The following TESC variants were observed in gnomAD, a reference collection of about 807,000 sequenced individuals.
TESC encodes tescalcin.
Under a neutral mutation model 31.0 loss-of-function variants are expected in TESC, and 19 were observed. That is an observed-to-expected ratio of 0.61 (90% CI 0.43 to 0.90). The LOEUF is 0.90. TESC is among the 40% of genes least tolerant of loss of function. The pLI is 0.00. For missense variants in TESC, 248 were observed against 303.8 expected (o/e 0.82, Z 1.36); for synonymous variants, 109 against 114.8 (o/e 0.95, Z 0.32).
At chr12:117,041,160 G>A (rs79099515) in intron 7 of TESC, among the ~76,000 whole-genome samples, 5,108 of 152,284 alleles carry the variant, frequency 0.034, 191 homozygotes, top group African/African-American at 0.088. Context: ...GCAGAGGCTG[G>A]AGGAGCCATC....
chr12:117,049,775 C>T (rs1206044921), intron 3 of TESC, among the ~76,000 whole-genome samples: 1 of 151,924 alleles, frequency 6.6e-6, no homozygotes, highest in Non-Finnish European at 1.5e-5. Context: ...GTGGTGTGCA[C>T]CTGTAGTCCC....
intron 1 of TESC, among the ~76,000 whole-genome samples, chr12:117,075,952 T>C (rs1372648410): frequency 1.7e-5 from 2 of 120,800 alleles, no homozygotes; most frequent in Admixed American, 1.7e-4. Context: ...TATATATACA[T>C]ATATATATAT....
chr12:117,069,838 T>C (rs1954940144), intron 2 of TESC, among the ~76,000 whole-genome samples: 1 of 152,234 alleles, frequency 6.6e-6, no homozygotes, highest in Non-Finnish European at 1.5e-5. Context: ...ACAAATCTTA[T>C]TCATCTGTAT....
chr12:117,045,277 G>A (rs1359334557), intron 6 of TESC, among the ~76,000 whole-genome samples: 3 of 152,202 alleles, frequency 2.0e-5, no homozygotes, highest in African/African-American at 4.8e-5. Flanking sequence ...CCCGGCCTCC[G>A]CCCCGAGATG....
chr12:117,051,678 T>G (rs568251265), intron 3 of TESC, among the ~76,000 whole-genome samples: 55 of 152,220 alleles, frequency 3.6e-4, no homozygotes, highest in Non-Finnish European at 4.3e-4. Context: ...GGGATTAAGA[T>G]TAGCATGGGT....
At chr12:117,050,526 G>C (rs1029756967) in intron 3 of TESC, among the ~76,000 whole-genome samples, 3 of 152,244 alleles carry the variant, frequency 2.0e-5, no homozygotes, top group African/African-American at 7.2e-5. Context: ...AGAAAGGGCT[G>C]GTGTTCTGGG....
intron 7 of TESC, 136 bp from the exon 8 acceptor site, chr12:117,039,346 G>A: frequency 1.2e-6 from 1 of 812,696 alleles, no homozygotes; most frequent in Non-Finnish European, 2.0e-6. Flanking sequence ...GAAAACCAGA[G>A]GGCTGTGTTT....
At chr12:117,096,585 A>G (rs2135810146) in intron 1 of TESC, among the ~76,000 whole-genome samples, 1 of 109,498 alleles carries the variant, frequency 9.1e-6, no homozygotes, top group Non-Finnish European at 1.8e-5. Context: ...AAGCATGGTC[A>G]ATAACAAACC....
intron 7 of TESC, among the ~76,000 whole-genome samples, chr12:117,039,484 C>A (rs1464043416): frequency 6.6e-6 from 1 of 152,204 alleles, no homozygotes; most frequent in Non-Finnish European, 1.5e-5. Flanking sequence ...AATCCAAGCT[C>A]TTAGCTCCAA....
At chr12:117,074,937 GA>G (rs762141768) in intron 2 of TESC, among the ~76,000 whole-genome samples, 321 of 152,270 alleles carry the variant, frequency 2.1e-3, no homozygotes, top group Middle Eastern at 3.4e-3. Context: ...ACAAGGTCAG[GA>G]GATCGAAACC....
chr12:117,098,996 G>A (rs1297943597), intron 1 of TESC, among the ~76,000 whole-genome samples: 1 of 152,118 alleles, frequency 6.6e-6, no homozygotes, highest in African/African-American at 2.4e-5. Context: ...GGGAGTTCCC[G>A]GGCCAGTCCG....
At chr12:117,060,307 G>A (rs1331765075) in intron 2 of TESC, among the ~76,000 whole-genome samples, 4 of 152,164 alleles carry the variant, frequency 2.6e-5, no homozygotes, top group Non-Finnish European at 4.4e-5. Context: ...AGAGTTGGGG[G>A]TGATTGAGAG....
In TESC at chr12:117,039,041, G is replaced by A; in HGVS notation, c.*92C>T. The A allele has an allele frequency of 1.4e-6, 2 of 1,424,552 alleles. No homozygotes were observed. Among genetic ancestry groups the A allele is most frequent in the South Asian group, 1.2e-5 (1 of 82,012 alleles). The allele number at this position is 1,424,552 out of a possible 1,614,324, so 88.2% of individuals were successfully genotyped here. A position where few individuals can be genotyped will look rare whatever the true frequency, so the allele number is the denominator to read the frequency against. ...CCTTGGCTATGTACCGGCGCTGCAG[G>A]AAGAGGCTGTCCGCCGGGCCTGGGC... On this transcript the variant is annotated 3_prime_UTR_variant, in exon 8 of 8. Coordinates refer to ENST00000335209, the MANE Select transcript of TESC (RefSeq NM_017899.4).
chr12:117,070,416 T>C (rs931390311), intron 2 of TESC, among the ~76,000 whole-genome samples: 2 of 152,180 alleles, frequency 1.3e-5, no homozygotes, highest in Non-Finnish European at 2.9e-5. Context: ...AGTCACCTCC[T>C]TCCTGCAGGC....
At chr12:117,078,189 C>G (rs79777682) in intron 1 of TESC, among the ~76,000 whole-genome samples, 3,867 of 152,156 alleles carry the variant, frequency 0.025, 75 homozygotes, top group Non-Finnish European at 0.034. Flanking sequence ...AGATTGGGGC[C>G]GGGCACGGTG....
At chr12:117,094,725 C>T (rs1955367285) in intron 1 of TESC, among the ~76,000 whole-genome samples, 1 of 152,034 alleles carries the variant, frequency 6.6e-6, no homozygotes, top group Non-Finnish European at 1.5e-5. Context: ...CATAAAGAGA[C>T]AGGGTTAACG....
At chr12:117,063,651 G>A (rs1056001520) in intron 2 of TESC, among the ~76,000 whole-genome samples, 1 of 152,148 alleles carries the variant, frequency 6.6e-6, no homozygotes, top group African/African-American at 2.4e-5. Context: ...CCGCTCCAGG[G>A]CTCCCTGCAC....
chr12:117,074,070 T>TA (rs1593013614), intron 2 of TESC, among the ~76,000 whole-genome samples: 2 of 151,398 alleles, frequency 1.3e-5, no homozygotes, highest in African/African-American at 2.4e-5. Context: ...ACAAAAACTT[T>TA]AAAAAATTAG....
intron 6 of TESC, among the ~76,000 whole-genome samples, chr12:117,045,258 G>A (rs144696521): frequency 1.3e-3 from 195 of 152,340 alleles, no homozygotes; most frequent in South Asian, 4.6e-3. Context: ...CAGCGGGTAC[G>A]CCCCGGAGCC....
Sources: gnomAD v4.1 joint callset for allele counts (sites outside exome capture counted in the v4.1 genomes callset) on GRCh38, gnomAD v4.1.1 for gene constraint, MANE v1.5 for transcripts, NCBI Gene and HGNC (gene_info 2026-07-23, HGNC 2026-07-21) for gene names.